TMTC2: variants seen among roughly 807,000 people sequenced by gnomAD.
The protein encoded by TMTC2 is protein O-mannosyl-transferase TMTC2.
In TMTC2, 43 loss-of-function variants were observed where a neutral mutation model predicts 82.4. The ratio of observed to expected loss-of-function variants is 0.52; its 90% CI spans 0.41 to 0.67. TMTC2 has a LOEUF of 0.67. TMTC2 is among the 30% of genes least tolerant of loss of function. The probability of loss-of-function intolerance (pLI) is 0.00; values close to 1 mark genes in which losing one functional copy is unlikely to be tolerated. For missense variants in TMTC2, 919 were observed against 1,012.4 expected (o/e 0.91, Z 1.25); for synonymous variants, 408 against 381.9 (o/e 1.07, Z -0.80).
At position 82,985,829 on chromosome 12, in the gene TMTC2, T is replaced by G; in HGVS notation, c.1949-96T>G. ...AAGTACTTCCCACAGCATCTGAAAT[T>G]CCACGCAGTATGATGATGATGATGA... On this transcript the variant is annotated intron_variant, in intron 7 of 11. Transcript: ENST00000321196. 3 of 1,446,484 alleles carry G rather than the reference T, an allele frequency of 2.1e-6. No homozygotes were observed. In the South Asian group the frequency reaches 4.4e-5, roughly 21 times the overall value. 89.6% of individuals were successfully genotyped at this position (1,446,484 alleles called of 1,614,324 possible).
At position 82,810,161 on chromosome 12, in the gene TMTC2, C is replaced by G. The variant is rs540800480; in HGVS notation, c.84-46849C>G. On this transcript the variant is annotated intron_variant, in intron 1 of 11. Transcript: ENST00000321196. ...ATGAGAGAGAAGACTGAATTATAAT[C>G]AGTTGCTTTTGCATACCAGTTTCTT... Among the ~76,000 whole-genome samples, 52 of 151,408 alleles carry G rather than the reference C, an allele frequency of 3.4e-4. 1 individual carries two copies. The highest frequency in any genetic ancestry group is 3.5e-3 in the Middle Eastern group (1 of 286).
intron 1 of TMTC2, among the ~76,000 whole-genome samples, chr12:82,729,963 C>T (rs543818329): frequency 7.9e-5 from 12 of 151,886 alleles, no homozygotes; most frequent in Non-Finnish European, 1.3e-4. Context: ...TAACACTTAT[C>T]GGGAAGGTCT....
chr12:82,903,656 A>G (rs991407712), intron 3 of TMTC2, among the ~76,000 whole-genome samples: 2 of 150,916 alleles, frequency 1.3e-5, no homozygotes, highest in Non-Finnish European at 3.0e-5. Flanking sequence ...CTCGTGATTC[A>G]CCCTCCTCGG....
intron 1 of TMTC2, among the ~76,000 whole-genome samples, chr12:82,797,187 A>G (rs986962933): frequency 6.6e-6 from 1 of 152,160 alleles, no homozygotes; most frequent in Non-Finnish European, 1.5e-5. Flanking sequence ...GTGTTCCACA[A>G]GTGATCTTGA....
chr12:83,044,067 G>T (rs1881997694), intron 9 of TMTC2, among the ~76,000 whole-genome samples: 1 of 152,104 alleles, frequency 6.6e-6, no homozygotes, highest in Non-Finnish European at 1.5e-5. Flanking sequence ...ACTGTGAATG[G>T]TACCTTTGGG....
At chr12:83,026,202 G>A (rs555751531) in intron 8 of TMTC2, among the ~76,000 whole-genome samples, 2 of 151,984 alleles carry the variant, frequency 1.3e-5, no homozygotes, top group African/African-American at 4.8e-5. Flanking sequence ...CTCCTTTTAG[G>A]CAATTTCAAA....
At chr12:82,746,103 G>C (rs531712482) in intron 1 of TMTC2, among the ~76,000 whole-genome samples, 119 of 152,218 alleles carry the variant, frequency 7.8e-4, no homozygotes, top group African/African-American at 2.8e-3. Flanking sequence ...TTATATAGAG[G>C]CCTTCATTTG....
chr12:82,783,290 C>CTGTGTGTGTGTGTGTGTGTG (rs72110651), intron 1 of TMTC2, among the ~76,000 whole-genome samples: 15 of 119,368 alleles, frequency 1.3e-4, no homozygotes, highest in African/African-American at 4.8e-4. Context: ...GTATATGCCT[C>CTGTGTGTGTGTGTGTGTGTG]TGTGTGTGTG....
intron 1 of TMTC2, among the ~76,000 whole-genome samples, chr12:82,778,996 C>T (rs1487503203): frequency 1.4e-5 from 2 of 147,972 alleles, no homozygotes; most frequent in African/African-American, 5.0e-5. Context: ...AGGATTGCAC[C>T]ACTGCACTCC....
At chr12:82,920,890 T>C (rs532526774) in intron 3 of TMTC2, among the ~76,000 whole-genome samples, 1 of 152,310 alleles carries the variant, frequency 6.6e-6, no homozygotes, top group South Asian at 2.1e-4. Context: ...GCCGGCATCT[T>C]TGAGCAACAA....
At chr12:82,799,480 C>T (rs1878891336) in intron 1 of TMTC2, among the ~76,000 whole-genome samples, 1 of 152,142 alleles carries the variant, frequency 6.6e-6, no homozygotes, top group South Asian at 2.1e-4. Flanking sequence ...TTTCCCAGGA[C>T]TACTGTAGCA....
At chr12:83,045,640 C>T (rs940998885) in intron 9 of TMTC2, among the ~76,000 whole-genome samples, 1 of 148,052 alleles carries the variant, frequency 6.8e-6, no homozygotes, top group Non-Finnish European at 1.5e-5. Flanking sequence ...AGTCATTATG[C>T]CCCATAATTA....
intron 1 of TMTC2, among the ~76,000 whole-genome samples, chr12:82,800,641 T>G (rs1233992374): frequency 1.3e-5 from 2 of 152,102 alleles, no homozygotes; most frequent in Non-Finnish European, 2.9e-5. Context: ...AAAATTTGAG[T>G]TTTAGTGTTT....
intron 8 of TMTC2, among the ~76,000 whole-genome samples, chr12:83,022,702 T>C (rs2137407586): frequency 6.6e-6 from 1 of 152,326 alleles, no homozygotes; most frequent in South Asian, 2.1e-4. Context: ...TCTTCTTCTC[T>C]TCTCATCAGT....
At chr12:82,936,212 G>T (rs1320819613) in intron 4 of TMTC2, among the ~76,000 whole-genome samples, 1 of 151,952 alleles carries the variant, frequency 6.6e-6, no homozygotes, top group African/African-American at 2.4e-5. Context: ...GGAAAACTTT[G>T]GAAACAATAT....
chr12:82,876,746 ATAT>A (rs1472737105), intron 2 of TMTC2, among the ~76,000 whole-genome samples: 2 of 152,010 alleles, frequency 1.3e-5, no homozygotes, highest in Non-Finnish European at 2.9e-5. Context: ...ACGATTTGTA[ATAT>A]TTACTTCTTT....
At chr12:82,739,224 T>C (rs1041502468) in intron 1 of TMTC2, among the ~76,000 whole-genome samples, 4 of 152,008 alleles carry the variant, frequency 2.6e-5, no homozygotes, top group Non-Finnish European at 5.9e-5. Flanking sequence ...TGGCAGTGAT[T>C]GTAAATATCA....
At chr12:83,122,847 A>G (rs1029016960) in intron 11 of TMTC2, among the ~76,000 whole-genome samples, 17 of 152,212 alleles carry the variant, frequency 1.1e-4, no homozygotes, top group African/African-American at 1.2e-4. Flanking sequence ...CCCGTCTGCC[A>G]TGATCTCTCA....
chr12:82,736,732 C>G (rs1215404731), intron 1 of TMTC2, among the ~76,000 whole-genome samples: 1 of 152,082 alleles, frequency 6.6e-6, no homozygotes, highest in Non-Finnish European at 1.5e-5. Context: ...GAAGTACAAA[C>G]CAAGATTGCC....
Sources: gnomAD v4.1 joint callset for allele counts (sites outside exome capture counted in the v4.1 genomes callset) on GRCh38, gnomAD v4.1.1 for gene constraint, MANE v1.5 for transcripts, NCBI Gene and HGNC (gene_info 2026-07-23, HGNC 2026-07-21) for gene names.